The following NTNG1 variants were observed in gnomAD, a reference collection of about 807,000 sequenced individuals.
The protein encoded by NTNG1 is netrin G1, also known as netrin-G1.
Under a neutral mutation model 54.0 loss-of-function variants are expected in NTNG1, and 16 were observed. The observed-to-expected ratio is 0.30, with a 90% CI of 0.20 to 0.45. The LOEUF (loss-of-function observed/expected upper bound fraction) is 0.45. Among genes scored for constraint, NTNG1 ranks in the 20% least tolerant of loss-of-function variants. The pLI is 1.00. For synonymous variants in NTNG1, 255 were observed against 263.1 expected, an observed-to-expected ratio of 0.97 and a Z score of 0.30; for missense variants, 530 against 678.7, an observed-to-expected ratio of 0.78 and a Z score of 2.43.
chr1:107,213,991 A>C (rs1450596601), intron 2 of NTNG1, among the ~76,000 whole-genome samples: 1 of 152,152 alleles, frequency 6.6e-6, no homozygotes. Context: ...CATATGTATG[A>C]AAATATCTTC....
At chr1:107,447,330 G>A (rs1047698456) in intron 7 of NTNG1, among the ~76,000 whole-genome samples, 1 of 152,026 alleles carries the variant, frequency 6.6e-6, no homozygotes, top group African/African-American at 2.4e-5. Flanking sequence ...GGAGTTTACA[G>A]AAGAGCTTGT....
At position 107,368,546 on chromosome 1, in the gene NTNG1, C is replaced by T. The variant is rs147552252; in HGVS notation, c.888-26608C>T. Among the ~76,000 whole-genome samples, 336 of 152,310 alleles carry T rather than the reference C, an allele frequency of 2.2e-3. 1 individual carries two copies. The highest frequency in any genetic ancestry group is 8.1e-3 in the South Asian group (39 of 4,826). ...TAAGTTGACTGTGATTCACTGCCTC[C>T]TTCATTAGAGCCACCATGAAGTAAC... On this transcript the variant is annotated intron_variant, in intron 3 of 7. Transcript: ENST00000370068.
At position 107,484,693 on chromosome 1, in the gene NTNG1, A is replaced by G. The variant is rs888425208; in HGVS notation, c.*3853A>G. ...CTGTGGTCTGACTGGAGTATAAGAA[A>G]TTTTGGATGCACTGGGGGAACAACT... is the stretch of plus-strand genomic sequence containing the variant. On this transcript the variant is annotated 3_prime_UTR_variant, in exon 8 of 8. Coordinates refer to ENST00000370068, the MANE Select transcript of NTNG1 (RefSeq NM_001113226.3). Among the ~76,000 whole-genome samples, 5 of 152,196 alleles carry G rather than the reference A, an allele frequency of 3.3e-5. No individual in the cohort carries two copies. Among genetic ancestry groups the G allele is most frequent in the African/African-American group, 1.2e-4 (5 of 41,454 alleles).
chr1:107,326,348 A>T (rs1667952217), intron 3 of NTNG1, among the ~76,000 whole-genome samples: 1 of 152,136 alleles, frequency 6.6e-6, no homozygotes, highest in Admixed American at 6.6e-5. Context: ...TAAGCTGTAG[A>T]GGATAATTCA....
At chr1:107,458,815 T>G (rs1052951124) in intron 7 of NTNG1, among the ~76,000 whole-genome samples, 7 of 152,200 alleles carry the variant, frequency 4.6e-5, no homozygotes, top group African/African-American at 1.7e-4. Context: ...AAATTTGTCA[T>G]GCCAATTTCT....
intron 3 of NTNG1, among the ~76,000 whole-genome samples, chr1:107,365,669 T>C (rs1670554737): frequency 6.6e-6 from 1 of 152,234 alleles, no homozygotes; most frequent in Admixed American, 6.5e-5. Context: ...ATATTTTTTC[T>C]ATATGCCACT....
intron 5 of NTNG1, among the ~76,000 whole-genome samples, chr1:107,429,848 T>C (rs960791157): frequency 2.6e-5 from 4 of 152,172 alleles, no homozygotes; most frequent in African/African-American, 9.7e-5. Flanking sequence ...CTAGTTGAGA[T>C]GCAAGAAAGA....
At chr1:107,480,535 G>A in intron 7 of NTNG1, 76 bp from the exon 8 acceptor site, 3 of 853,372 alleles carry the variant, frequency 3.5e-6, no homozygotes, top group Non-Finnish European at 5.5e-6. Context: ...AAAACATGAT[G>A]TACCAGATGA....
chr1:107,480,594 T>TC lies in NTNG1; in HGVS notation c.1391-12dup. 2.2e-6 allele frequency: 1 copy of TC among 449,946 alleles called. No homozygotes were observed. 27.9% of individuals were successfully genotyped at this position (449,946 alleles called of 1,614,324 possible). A position where few individuals can be genotyped will look rare whatever the true frequency, so the allele number is the denominator to read the frequency against. On this transcript the variant is annotated splice_polypyrimidine_tract_variant and intron_variant, in intron 7 of 7. Transcript: ENST00000370068. ...TCCCCGCGCCCACCCACCCCTACCT[T>TC]CCCCCTCATTCTGCAGCGAATGTCT...
At chr1:107,153,670 A>G (rs1242449959) in intron 2 of NTNG1, among the ~76,000 whole-genome samples, 1 of 152,194 alleles carries the variant, frequency 6.6e-6, no homozygotes, top group Non-Finnish European at 1.5e-5. Flanking sequence ...TGAGGAGCCT[A>G]CAATAGCTCC....
chr1:107,360,526 A>C (rs887821040), intron 3 of NTNG1, among the ~76,000 whole-genome samples: 1 of 152,214 alleles, frequency 6.6e-6, no homozygotes, highest in Non-Finnish European at 1.5e-5. Flanking sequence ...TATAGGCAAC[A>C]GGAAGCCACT....
intron 2 of NTNG1, among the ~76,000 whole-genome samples, chr1:107,233,813 T>C (rs1234677092): frequency 6.6e-6 from 1 of 152,216 alleles, no homozygotes; most frequent in Non-Finnish European, 1.5e-5. Flanking sequence ...TTTGCTCCTT[T>C]TTATATTAAG....
At chr1:107,453,563 G>A (rs368878343) in intron 7 of NTNG1, among the ~76,000 whole-genome samples, 2 of 152,054 alleles carry the variant, frequency 1.3e-5, no homozygotes, top group African/African-American at 4.8e-5. Context: ...GGGTTTCTTC[G>A]GTCCAGCATA....
chr1:107,167,362 A>T (rs1227721863), intron 2 of NTNG1, among the ~76,000 whole-genome samples: 4 of 151,916 alleles, frequency 2.6e-5, no homozygotes, highest in African/African-American at 9.7e-5. Context: ...AGTGGGGATA[A>T]TATATATTCT....
intron 2 of NTNG1, among the ~76,000 whole-genome samples, chr1:107,166,021 T>C (rs1655767703): frequency 6.6e-6 from 1 of 152,238 alleles, no homozygotes; most frequent in Non-Finnish European, 1.5e-5. Context: ...GACTGGCCTC[T>C]GCCTTCAAGA....
chr1:107,150,479 C>G (rs1048042804), intron 2 of NTNG1, among the ~76,000 whole-genome samples: 1 of 152,092 alleles, frequency 6.6e-6, no homozygotes, highest in African/African-American at 2.4e-5. Context: ...AGTTCCAGGC[C>G]AAGTCTGCAT....
intron 2 of NTNG1, among the ~76,000 whole-genome samples, chr1:107,270,968 CATTTAAA>C (rs1258992986): frequency 2.0e-5 from 3 of 151,880 alleles, no homozygotes; most frequent in Non-Finnish European, 4.4e-5. Context: ...CAAGTAAGTT[CATTTAAA>C]ATAATGAAGA....
intron 2 of NTNG1, among the ~76,000 whole-genome samples, chr1:107,211,665 G>A (rs1659604585): frequency 1.3e-5 from 2 of 152,196 alleles, no homozygotes; most frequent in South Asian, 2.1e-4. Flanking sequence ...AAAGGGAAGG[G>A]CAGCAACTCA....
intron 2 of NTNG1, among the ~76,000 whole-genome samples, chr1:107,293,095 T>C (rs540359536): frequency 4.6e-5 from 7 of 152,244 alleles, no homozygotes; most frequent in South Asian, 2.1e-4. Flanking sequence ...AAAATGTGTG[T>C]ACCCATTGAT....
Sources: gnomAD v4.1 joint callset for allele counts (sites outside exome capture counted in the v4.1 genomes callset) on GRCh38, gnomAD v4.1.1 for gene constraint, MANE v1.5 for transcripts, NCBI Gene and HGNC (gene_info 2026-07-23, HGNC 2026-07-21) for gene names.